SGCD: variants seen among roughly 807,000 people sequenced by gnomAD.
The protein encoded by SGCD is sarcoglycan delta.
A neutral mutation model predicts 36.6 loss-of-function variants in SGCD; 18 were observed. The observed-to-expected ratio is 0.49, with a 90% CI of 0.34 to 0.73. The LOEUF is 0.73. SGCD is among the 30% of genes least tolerant of loss of function. SGCD has a pLI of 0.01. For synonymous variants in SGCD, 133 were observed against 130.6 expected (o/e 1.02, Z -0.12); for missense variants, 387 against 346.7 (o/e 1.12, Z -0.92).
At chr5:156,260,926 G>A (rs1765844115) in intron 3 of SGCD, among the ~76,000 whole-genome samples, 1 of 152,060 alleles carries the variant, frequency 6.6e-6, no homozygotes, top group African/African-American at 2.4e-5. Context: ...TATGAAGGTG[G>A]TTATGCTATT....
In SGCD at chr5:156,444,115, TCCC is replaced by T. The variant is rs1474832394; in HGVS notation, c.193-64484_193-64482del. On this transcript the variant is annotated intron_variant, in intron 3 of 8. Transcript: ENST00000337851. ...CTCTCTCTCTCTCTCTCTCTCTCTC[TCCC>T]CTTCCCTCTCTCTCTCTCTCCTTCC... Among the ~76,000 whole-genome samples the T allele has an allele frequency of 4.7e-4, 34 of 72,794 alleles. 1 individual carries two copies. Among genetic ancestry groups the T allele is most frequent in the South Asian group, 1.7e-3 (3 of 1,804 alleles). The allele number at this position is 72,794 out of a possible 152,430, so 47.8% of individuals were successfully genotyped here.
intron 3 of SGCD, among the ~76,000 whole-genome samples, chr5:156,366,584 A>G (rs1184523940): frequency 6.6e-6 from 1 of 152,222 alleles, no homozygotes; most frequent in African/African-American, 2.4e-5. Flanking sequence ...AAAGAAATAC[A>G]TGTGATTACT....
chr5:156,487,356 T>A (rs1755722332), intron 3 of SGCD, among the ~76,000 whole-genome samples: 1 of 152,076 alleles, frequency 6.6e-6, no homozygotes, highest in African/African-American at 2.4e-5. Flanking sequence ...GAGGAAAAAA[T>A]CTTTCCCTAT....
intron 3 of SGCD, among the ~76,000 whole-genome samples, chr5:156,393,342 C>T (rs529373498): frequency 1.3e-5 from 2 of 152,356 alleles, no homozygotes; most frequent in African/African-American, 4.8e-5. Context: ...CCAGCTCACA[C>T]TGGCTCATGA....
At chr5:156,356,868 A>C (rs1769519974) in intron 3 of SGCD, among the ~76,000 whole-genome samples, 1 of 152,188 alleles carries the variant, frequency 6.6e-6, no homozygotes, top group Admixed American at 6.5e-5. Context: ...AGGAGGCAAT[A>C]TGATCAGAGA....
At chr5:156,060,864 T>G in intron 1 of SGCD, among the ~76,000 whole-genome samples, 1 of 146,028 alleles carries the variant, frequency 6.8e-6, no homozygotes, top group East Asian at 1.9e-4. Context: ...AAAATTTATA[T>G]CACTATATTT....
chr5:155,958,806 C>T (rs561183519), intron 1 of SGCD, among the ~76,000 whole-genome samples: 14 of 152,164 alleles, frequency 9.2e-5, no homozygotes, highest in South Asian at 6.2e-4. Context: ...TGAAGTTATG[C>T]GTGCGGGAAT....
At chr5:156,350,247 T>TAATAA (rs1769170083) in intron 3 of SGCD, among the ~76,000 whole-genome samples, 1 of 95,782 alleles carries the variant, frequency 1.0e-5, no homozygotes, top group Admixed American at 1.0e-4. Flanking sequence ...GGAAAAAAAA[T>TAATAA]TATATATATA....
At chr5:156,726,527 A>G (rs185993694) in intron 7 of SGCD, among the ~76,000 whole-genome samples, 1 of 152,340 alleles carries the variant, frequency 6.6e-6, no homozygotes, top group East Asian at 1.9e-4. Context: ...CTGCCTTTAA[A>G]GGAAAGACCC....
intron 3 of SGCD, among the ~76,000 whole-genome samples, chr5:156,412,909 C>T (rs1772844412): frequency 6.6e-6 from 1 of 151,386 alleles, no homozygotes. Flanking sequence ...CATTCTCCTG[C>T]CTCAGCCTCC....
At chr5:156,091,989 A>G (rs773143832) in intron 1 of SGCD, among the ~76,000 whole-genome samples, 1 of 152,204 alleles carries the variant, frequency 6.6e-6, no homozygotes, top group Non-Finnish European at 1.5e-5. Flanking sequence ...ATCCAGATCT[A>G]TGCCTTGTTT....
At position 156,259,154 on chromosome 5, in the gene SGCD, T is replaced by TTTC. The variant is rs1561588251; in HGVS notation, c.-43-70380_-43-70379insTTC. ...TATTTATTTATTTATTTATTTATTT[T>TTTC]AACCATCCTTGAGGGTGTGAATTTA... On this transcript the variant is annotated intron_variant, in intron 3 of 9. Transcript: ENST00000517913. Among the ~76,000 whole-genome samples the TTTC allele has an allele frequency of 1.8e-4, 21 of 118,486 alleles. 1 individual carries two copies. In the East Asian group the frequency reaches 4.7e-3, roughly 26 times the overall value. The allele number at this position is 118,486 out of a possible 152,430, so 77.7% of individuals were successfully genotyped here. A position where few individuals can be genotyped will look rare whatever the true frequency, so the allele number is the denominator to read the frequency against.
chr5:156,045,925 G>T (rs1759754317), intron 1 of SGCD, among the ~76,000 whole-genome samples: 1 of 152,076 alleles, frequency 6.6e-6, no homozygotes, highest in Non-Finnish European at 1.5e-5. Context: ...TCTATGACAG[G>T]TCCTTAAAAC....
At chr5:156,619,134 G>T (rs577742709) in intron 6 of SGCD, among the ~76,000 whole-genome samples, 5 of 150,518 alleles carry the variant, frequency 3.3e-5, no homozygotes, top group Non-Finnish European at 7.4e-5. Flanking sequence ...CACGCCATTC[G>T]CCTGCCTCAG....
At chr5:155,839,474 G>A in the SGCD span, among the ~76,000 whole-genome samples, 2 of 152,172 alleles carry the variant, frequency 1.3e-5, no homozygotes, top group South Asian at 4.1e-4. Context: ...GGAGGAGGGT[G>A]TGTGTGACTC....
At chr5:156,396,387 CCT>C (rs879248552) in intron 3 of SGCD, among the ~76,000 whole-genome samples, 80 of 152,192 alleles carry the variant, frequency 5.3e-4, no homozygotes, top group Admixed American at 5.2e-4. Context: ...TGCTGGGTTG[CCT>C]CTCATTAGCA....
intron 3 of SGCD, among the ~76,000 whole-genome samples, chr5:156,443,335 T>A (rs895587420): frequency 2.0e-5 from 3 of 152,126 alleles, no homozygotes; most frequent in African/African-American, 7.2e-5. Flanking sequence ...GACTAACATT[T>A]CAAAAGATAG....
chr5:156,205,994 A>T (rs200163465), intron 3 of SGCD, among the ~76,000 whole-genome samples: 8 of 90,520 alleles, frequency 8.8e-5, no homozygotes, highest in African/African-American at 1.9e-4. Context: ...TATATATTTT[A>T]TATATATATA....
intron 1 of SGCD, among the ~76,000 whole-genome samples, chr5:155,900,805 A>G (rs946049736): frequency 6.6e-6 from 1 of 152,160 alleles, no homozygotes; most frequent in Admixed American, 6.5e-5. Context: ...TTATTATTCA[A>G]TAAAGATTTT....
Sources: gnomAD v4.1 joint callset for allele counts (sites outside exome capture counted in the v4.1 genomes callset) on GRCh38, gnomAD v4.1.1 for gene constraint, MANE v1.5 for transcripts, NCBI Gene and HGNC (gene_info 2026-07-23, HGNC 2026-07-21) for gene names.